Variants in ITGA9 observed in about 807,000 individuals in gnomAD.
ITGA9 encodes the protein integrin alpha-9.
Under a neutral mutation model 127.8 loss-of-function variants are expected in ITGA9, and 56 were observed. The ratio of observed to expected loss-of-function variants is 0.44; its 90% CI spans 0.35 to 0.55. The LOEUF (loss-of-function observed/expected upper bound fraction) is 0.55. Ranked by LOEUF, ITGA9 falls within the 20% of genes least tolerant of loss-of-function variation. ITGA9 has a pLI of 0.00. For missense variants in ITGA9, 1,196 were observed against 1,347.1 expected, an observed-to-expected ratio of 0.89 and a Z score of 1.76; for synonymous variants, 508 against 514.5, an observed-to-expected ratio of 0.99 and a Z score of 0.17.
intron 15 of ITGA9, among the ~76,000 whole-genome samples, chr3:37,626,935 A>G (rs760616828): frequency 9.9e-5 from 15 of 152,212 alleles, no homozygotes; most frequent in Non-Finnish European, 1.9e-4. Flanking sequence ...TGAAGAATTT[A>G]TTTTTAAACA....
chr3:37,758,763 T>G (rs942325154), intron 23 of ITGA9, among the ~76,000 whole-genome samples: 3 of 151,600 alleles, frequency 2.0e-5, no homozygotes, highest in African/African-American at 7.3e-5. Flanking sequence ...AAAAAAAAAG[T>G]ATCCTATTGT....
At chr3:37,619,054 C>G (rs1021931387) in intron 15 of ITGA9, among the ~76,000 whole-genome samples, 1 of 152,196 alleles carries the variant, frequency 6.6e-6, no homozygotes, top group Non-Finnish European at 1.5e-5. Context: ...CTGTGTCACT[C>G]ATGCTGGGAG....
At chr3:37,815,849 C>T (rs1042827185) in intron 27 of ITGA9, among the ~76,000 whole-genome samples, 1 of 152,160 alleles carries the variant, frequency 6.6e-6, no homozygotes, top group Non-Finnish European at 1.5e-5. Flanking sequence ...CTCAGTGGGG[C>T]AGTTTGAGCT....
At chr3:37,476,203 C>T (rs1009460592) in intron 3 of ITGA9, among the ~76,000 whole-genome samples, 1 of 152,058 alleles carries the variant, frequency 6.6e-6, no homozygotes. Context: ...GGGTATACAC[C>T]CGGAAGTGGG....
chr3:37,637,555 C>G (rs906466241), intron 16 of ITGA9, among the ~76,000 whole-genome samples: 12 of 152,252 alleles, frequency 7.9e-5, no homozygotes, highest in South Asian at 2.1e-4. Flanking sequence ...GGGTTTTCTA[C>G]ATATACAATC....
chr3:37,789,157 G>A (rs1697075884), intron 26 of ITGA9, among the ~76,000 whole-genome samples: 1 of 152,122 alleles, frequency 6.6e-6, no homozygotes, highest in South Asian at 2.1e-4. Context: ...ACAAGAAAAT[G>A]TCAGCCTTAC....
chr3:37,792,075 A>T (rs1446449603), intron 26 of ITGA9, among the ~76,000 whole-genome samples: 1 of 152,166 alleles, frequency 6.6e-6, no homozygotes, highest in Non-Finnish European at 1.5e-5. Flanking sequence ...ATCCTATGCC[A>T]TCAGCAGTGG....
At chr3:37,503,140 C>A (rs2125570133) in intron 5 of ITGA9, 38 bp from the exon 6 acceptor site, 1 of 1,612,226 alleles carries the variant, frequency 6.2e-7, no homozygotes, top group South Asian at 1.1e-5. Flanking sequence ...CCCCTCCTCA[C>A]TTCCTTCTCT....
chr3:37,756,159 C>CAA (rs35974802), intron 23 of ITGA9, among the ~76,000 whole-genome samples: 14,828 of 142,296 alleles, frequency 0.1, 1,771 homozygotes, highest in African/African-American at 0.29. Context: ...GTAAGGCATT[C>CAA]AAAAAAAAAA....
In ITGA9 at chr3:37,461,377, T is replaced by C. The variant is rs905757722; in HGVS notation, c.185+8818T>C. On this transcript the variant is annotated intron_variant, in intron 1 of 27. Coordinates refer to ENST00000264741, the MANE Select transcript of ITGA9 (RefSeq NM_002207.3). ...TTCAGCTGTTTGAACCTCAGTTTCC[T>C]TTTCTGTAAAGAGTAATAAGGGTAC... Among the ~76,000 whole-genome samples the C allele has an allele frequency of 3.3e-5, 5 of 152,174 alleles. No individual in the cohort carries two copies. The East Asian group carries it at 9.6e-4, about 29-fold the overall frequency.
intron 17 of ITGA9, among the ~76,000 whole-genome samples, chr3:37,659,992 A>ACACACACACACACACG (rs1462031817): frequency 4.0e-5 from 6 of 151,388 alleles, no homozygotes; most frequent in Admixed American, 3.3e-4. Flanking sequence ...TAACACACAC[A>ACACACACACACACACG]CACACACACA....
intron 17 of ITGA9, among the ~76,000 whole-genome samples, chr3:37,671,418 C>A (rs962994143): frequency 2.0e-5 from 3 of 152,276 alleles, no homozygotes; most frequent in Admixed American, 2.0e-4. Context: ...AAGCAAATAT[C>A]GATTCTACCA....
chr3:37,691,214 A>G (rs1223585829), intron 18 of ITGA9, among the ~76,000 whole-genome samples: 1 of 152,218 alleles, frequency 6.6e-6, no homozygotes, highest in Non-Finnish European at 1.5e-5. Flanking sequence ...CCTCTGCCAG[A>G]GAGGCCCACA....
Position 37,784,307 on chromosome 3 carries a change from G to A in ITGA9, c.2788-670G>A, listed in dbSNP as rs573644686. On this transcript the variant is annotated intron_variant, in intron 25 of 27. Coordinates refer to ENST00000264741, the MANE Select transcript of ITGA9 (RefSeq NM_002207.3). ...CGCCATTTTCTGGTTATCTGGATCA[G>A]TGTCTTTGAATCTGAGCCCACAGGA... is the stretch of plus-strand genomic sequence containing the variant. 5.9e-5 allele frequency among the ~76,000 whole-genome samples: 9 copies of A among 152,236 alleles called. No individual in the cohort carries two copies. In the South Asian group the frequency reaches 8.3e-4, roughly 14 times the overall value.
At chr3:37,751,456 A>G (rs1351636904) in intron 23 of ITGA9, among the ~76,000 whole-genome samples, 1 of 152,158 alleles carries the variant, frequency 6.6e-6, no homozygotes, top group African/African-American at 2.4e-5. Flanking sequence ...TTCCTAGAGC[A>G]TGCTTTCTGA....
intron 15 of ITGA9, among the ~76,000 whole-genome samples, chr3:37,585,335 A>G (rs914463513): frequency 6.6e-6 from 1 of 152,108 alleles, no homozygotes; most frequent in Non-Finnish European, 1.5e-5. Context: ...TCTGGCCTCT[A>G]CATCACTAAA....
intron 18 of ITGA9, among the ~76,000 whole-genome samples, chr3:37,719,321 G>C (rs1701166403): frequency 6.6e-6 from 1 of 152,192 alleles, no homozygotes; most frequent in Admixed American, 6.5e-5. Flanking sequence ...TTAGTAAGCT[G>C]CTGCCCCCTG....
At chr3:37,577,734 T>C (rs1699667244) in intron 15 of ITGA9, among the ~76,000 whole-genome samples, 1 of 152,234 alleles carries the variant, frequency 6.6e-6, no homozygotes, top group South Asian at 2.1e-4. Context: ...CCACATCTAC[T>C]GTGAAACTCT....
At chr3:37,748,010 G>A (rs1277845824) in intron 22 of ITGA9, 11 of 323,296 alleles carry the variant, frequency 3.4e-5, no homozygotes, top group Non-Finnish European at 6.6e-5. Context: ...ATGACCTCCA[G>A]TTCCGTCCTT....
Sources: allele counts gnomAD v4.1 joint callset (sites outside exome capture counted in the v4.1 genomes callset), GRCh38; gene constraint gnomAD v4.1.1; transcripts MANE v1.5; gene names NCBI Gene and HGNC (gene_info 2026-07-23, HGNC 2026-07-21).